Variants in TUT4 observed in about 807,000 individuals in gnomAD.
TUT4 encodes terminal uridylyltransferase 4.
Under a neutral mutation model 192.2 loss-of-function variants are expected in TUT4, and 36 were observed. That is an observed-to-expected ratio of 0.19 (90% CI 0.14 to 0.25). TUT4 has a LOEUF of 0.25. Ranked by LOEUF, TUT4 falls within the 10% of genes least tolerant of loss-of-function variation. The probability of loss-of-function intolerance (pLI) is 1.00; values close to 1 mark genes in which losing one functional copy is unlikely to be tolerated. For synonymous variants in TUT4, 618 were observed against 666.0 expected (o/e 0.93, Z 1.11); for missense variants, 1,493 against 1,957.2 (o/e 0.76, Z 4.47).
intron 20 of TUT4, 36 bp downstream of exon 20, chr1:52,458,300 A>C (rs376965372): frequency 1.1e-5 from 17 of 1,499,688 alleles, no homozygotes; most frequent in Admixed American, 1.8e-5. Flanking sequence ...TATTGTTTTC[A>C]AAAAAAACTC....
In TUT4 at chr1:52,531,885, C is replaced by CTTTTTT. The variant is rs1158088077; in HGVS notation, c.-93-5518_-93-5513dup. On this transcript the variant is annotated intron_variant, in intron 1 of 29. Coordinates refer to ENST00000257177, the MANE Select transcript of TUT4 (RefSeq NM_001009881.3). ...AACAGTAGAGACTGTCTTTTCTCAT[C>CTTTTTT]TTTTTTTTTTTTTTTTTTTTTTTTT... is the stretch of plus-strand genomic sequence containing the variant. 3.3e-4 allele frequency among the ~76,000 whole-genome samples: 27 copies of CTTTTTT among 80,832 alleles called. 3 individuals carry two copies. The highest frequency in any genetic ancestry group is 1.0e-3 in the African/African-American group (18 of 17,176). The allele number at this position is 80,832 out of a possible 152,430, so 53.0% of individuals were successfully genotyped here. A position where few individuals can be genotyped will look rare whatever the true frequency, so the allele number is the denominator to read the frequency against.
At chr1:52,429,276 G>A (rs921998363) in intron 28 of TUT4, among the ~76,000 whole-genome samples, 5 of 151,506 alleles carry the variant, frequency 3.3e-5, no homozygotes, top group Non-Finnish European at 5.9e-5. Context: ...AAGTAGAGAC[G>A]GGGTTTCACC....
At chr1:52,433,537 A>ATGT (rs1652774728) in intron 27 of TUT4, 1 of 152,228 alleles carries the variant, frequency 6.6e-6, no homozygotes, top group Admixed American at 6.5e-5. Context: ...TATTTTAGGC[A>ATGT]TGTTGACGTG....
intron 1 of TUT4, among the ~76,000 whole-genome samples, chr1:52,531,499 G>C (rs1486664539): frequency 1.3e-5 from 2 of 152,052 alleles, no homozygotes; most frequent in Admixed American, 1.3e-4. Context: ...AAGTCTATGA[G>C]GTAAGAAATC....
chr1:52,432,904 G>A (rs1197588375), intron 27 of TUT4: 1 of 152,468 alleles, frequency 6.6e-6, no homozygotes, highest in African/African-American at 2.4e-5. Flanking sequence ...CTGGGCAACA[G>A]AGCAAGACGC....
At chr1:52,441,444 A>ATTTTTTT (rs557710242) in intron 24 of TUT4, among the ~76,000 whole-genome samples, 16 of 119,982 alleles carry the variant, frequency 1.3e-4, no homozygotes, top group Admixed American at 2.6e-4. Context: ...TCTCGGCTAA[A>ATTTTTTT]TTTTTTTTTT....
intron 2 of TUT4, 70 bp from the exon 3 acceptor site, chr1:52,516,124 G>A (rs994091274): frequency 6.5e-6 from 8 of 1,224,336 alleles, no homozygotes; most frequent in African/African-American, 1.5e-5. Flanking sequence ...ATGGAAAACA[G>A]ACATTAAATT....
intron 4 of TUT4, among the ~76,000 whole-genome samples, chr1:52,506,371 C>T (rs1405842634): frequency 1.3e-5 from 2 of 152,046 alleles, no homozygotes; most frequent in Non-Finnish European, 2.9e-5. Flanking sequence ...ATCAGAGTTA[C>T]GTGGACCTCA....
chr1:52,496,914 G>T (rs553994075), intron 5 of TUT4, 92 bp downstream of exon 5: 105 of 1,227,362 alleles, frequency 8.6e-5, no homozygotes, highest in Non-Finnish European at 1.1e-4. Flanking sequence ...AGGAGAAAAG[G>T]GAAGAAAAAC....
intron 1 of TUT4, among the ~76,000 whole-genome samples, chr1:52,544,282 C>T (rs888601811): frequency 1.2e-4 from 17 of 141,880 alleles, no homozygotes; most frequent in Admixed American, 7.1e-5. Flanking sequence ...AGTGAGACTC[C>T]ATTTCAAAAA....
chr1:52,513,057 A>G (rs2149338700), intron 3 of TUT4, among the ~76,000 whole-genome samples: 1 of 151,334 alleles, frequency 6.6e-6, no homozygotes, highest in South Asian at 2.1e-4. Flanking sequence ...TGGGAGGCAG[A>G]GGTTGCAGTG....
At chr1:52,449,331 C>G (rs989345623) in intron 20 of TUT4, among the ~76,000 whole-genome samples, 6 of 152,210 alleles carry the variant, frequency 3.9e-5, no homozygotes, top group African/African-American at 1.4e-4. Context: ...CAGAGTCTCG[C>G]TCTGTCACCC....
chr1:52,537,931 TAAAC>T (rs200627848), intron 1 of TUT4, among the ~76,000 whole-genome samples: 1,967 of 151,598 alleles, frequency 0.013, 22 homozygotes, highest in Middle Eastern at 0.02. Context: ...AATAAATAAA[TAAAC>T]AAACAAACTA....
rs1199642357 is a variant in TUT4 at position 52,435,462 on chromosome 1, G to C, written c.4166C>G (p.Ala1389Gly). 6.2e-7 allele frequency: 1 copy of C among 1,613,790 alleles called. No individual in the cohort carries two copies. The highest frequency in any genetic ancestry group is 8.5e-7 in the Non-Finnish European group (1 of 1,179,834). Residue 1389 changes from alanine to glycine, a missense_variant, in exon 27 of 30, where the codon GCC (alanine) becomes GGC (glycine). Around this residue, in one of 7 missense-constraint regions of TUT4, gnomAD observed 351 missense variants for 397.8 expected, o/e 0.88. Coordinates refer to ENST00000257177, the MANE Select transcript of TUT4 (RefSeq NM_001009881.3). ...ATTTACAAGGTTGCGGACCAGCTGGGCTGCTAAGAGAAGGCATCACAAAGA... is the reference window on the plus strand; with the variant it reads ...ATTTACAAGGTTGCGGACCAGCTGGCCTGCTAAGAGAAGGCATCACAAAGA... ...ARQRNSSVAA[A>G]QLVRNLVNAQ...
chr1:52,428,644 A>C (rs1304357301), intron 28 of TUT4, among the ~76,000 whole-genome samples: 1 of 150,890 alleles, frequency 6.6e-6, no homozygotes, highest in Non-Finnish European at 1.5e-5. Context: ...AAAAAAAAAA[A>C]AAAAATTCCG....
chr1:52,498,330 C>G (rs369126640), intron 4 of TUT4, among the ~76,000 whole-genome samples: 23 of 150,912 alleles, frequency 1.5e-4, no homozygotes, highest in African/African-American at 4.1e-4. Flanking sequence ...CAGGCTCCGC[C>G]CCCCCGGGGT....
chr1:52,521,830 G>T (rs1194604746), intron 2 of TUT4, among the ~76,000 whole-genome samples: 1 of 151,906 alleles, frequency 6.6e-6, no homozygotes, highest in Non-Finnish European at 1.5e-5. Flanking sequence ...CAGGTGTGGT[G>T]GCATGCACCT....
At chr1:52,527,637 A>G (rs919448301) in intron 1 of TUT4, among the ~76,000 whole-genome samples, 5 of 152,206 alleles carry the variant, frequency 3.3e-5, no homozygotes, top group African/African-American at 7.2e-5. Flanking sequence ...ATAATAGTGA[A>G]TATCTGTCAT....
chr1:52,498,939 TATATATATATATATATATATG>T (rs1673315764), intron 4 of TUT4, among the ~76,000 whole-genome samples: 2 of 81,326 alleles, frequency 2.5e-5, no homozygotes, highest in African/African-American at 4.8e-5. Context: ...TATATATATA[TATATATATATATATATATATG>T]ACATTTTTCA....
Sources: gnomAD v4.1 joint callset for allele counts (sites outside exome capture counted in the v4.1 genomes callset) on GRCh38, gnomAD v4.1.1 for gene constraint, gnomAD v4.1.1 regional missense constraint, MANE v1.5 for transcripts, NCBI Gene and HGNC (gene_info 2026-07-23, HGNC 2026-07-21) for gene names.